FANCI: variants seen among roughly 807,000 people sequenced by gnomAD.
FANCI encodes Fanconi anemia group I protein.
A neutral mutation model predicts 176.1 loss-of-function variants in FANCI; 156 were observed. That is an observed-to-expected ratio of 0.89 (90% CI 0.78 to 1.01). FANCI has a LOEUF of 1.01. Among genes scored for constraint, FANCI ranks in the 50% least tolerant of loss-of-function variants. FANCI has a pLI of 0.00. For synonymous variants in FANCI, 613 were observed against 541.7 expected, an observed-to-expected ratio of 1.13 and a Z score of -1.83; for missense variants, 1,678 against 1,534.1, an observed-to-expected ratio of 1.09 and a Z score of -1.57.
chr15:89,292,571 C>T (rs1471173776), intron 20 of FANCI, 117 bp from the exon 21 acceptor site: 24 of 1,007,942 alleles, frequency 2.4e-5, no homozygotes, highest in African/African-American at 6.4e-5. Context: ...TAATTTGTAA[C>T]GCCAATGAAT....
rs189105082 is a variant in FANCI, at chr15:89,315,850, C to T, written c.3924+461C>T. ...CTTTACTCTTAGCAAGTGACAGTACCGCATCCCCATCCCTGCACCACCTTT... is the reference window on the plus strand; with the variant it reads ...CTTTACTCTTAGCAAGTGACAGTACTGCATCCCCATCCCTGCACCACCTTT... On this transcript the variant is annotated intron_variant, in intron 37 of 37. Transcript: ENST00000310775. 5.9e-5 allele frequency among the ~76,000 whole-genome samples: 9 copies of T among 152,242 alleles called. 1 individual carries two copies. In the South Asian group the frequency reaches 8.3e-4, roughly 14 times the overall value.
Position 89,305,234 on chromosome 15 carries a change from A to G in FANCI, c.3178A>G (p.Ile1060Val), listed in dbSNP as rs1286688010. Residue 1060 changes from isoleucine to valine, a missense_variant, in exon 29 of 38, where the codon ATA becomes GTA. Around this residue, in one of 3 missense-constraint regions of FANCI, gnomAD observed 1,204 missense variants for 1,077.4 expected, o/e 1.12. Coordinates refer to ENST00000310775, the MANE Select transcript of FANCI (RefSeq NM_001113378.2). ...GGATATCCACGGGCATCTGGGAGAT[A>G]TAGACCAGGTACTATAATGAGCCTT... ...SQDIHGHLGD[I>V]DQDVEVEKTN... 16 of 1,614,222 alleles carry G rather than the reference A, an allele frequency of 9.9e-6. No homozygotes were observed. Among genetic ancestry groups the G allele is most frequent in the Non-Finnish European group, 1.4e-5 (16 of 1,180,036 alleles).
chr15:89,316,308 GAAGA>G (rs1411689103), intron 37 of FANCI, 85 bp from the exon 38 acceptor site: 13 of 1,303,534 alleles, frequency 1.0e-5, no homozygotes, highest in Non-Finnish European at 1.3e-5. Flanking sequence ...GCTTTGATGA[GAAGA>G]TAGAGTCTTT....
At chr15:89,293,130 G>A in intron 22 of FANCI, 67 bp downstream of exon 22, 4 of 1,555,610 alleles carry the variant, frequency 2.6e-6, no homozygotes, top group Non-Finnish European at 2.6e-6. Context: ...TATTTTTACT[G>A]TAGCAGTATT....
chr15:89,269,193 AT>A (rs2053102051), intron 10 of FANCI, among the ~76,000 whole-genome samples: 1 of 152,152 alleles, frequency 6.6e-6, no homozygotes, highest in South Asian at 2.1e-4. Context: ...TCTCATACAT[AT>A]TCTTTTTCTG....
Position 89,268,440 on chromosome 15 carries a change from A to C in FANCI, c.797A>C (p.His266Pro). The change falls in exon 10 of 38, where the codon CAT (histidine) becomes CCT (proline). Residue 266 changes from histidine to proline, a missense_variant. By Grantham distance (77) the His-to-Pro change is moderately conservative. Coordinates refer to ENST00000310775, the MANE Select transcript of FANCI (RefSeq NM_001113378.2). The stretch of plus-strand genomic sequence containing the variant: ...ACTGTGCCATCAGGTGAACTTCGTC[A>C]TGTGGAAGGCACCATTATTCTACAC... ...VVTVPSGELRHVEGTIILHIV... is the reference protein window; with the variant it reads ...VVTVPSGELRPVEGTIILHIV... The C allele has an allele frequency of 6.2e-7, 1 of 1,614,188 alleles. No homozygotes were observed. Among genetic ancestry groups the C allele is most frequent in the Non-Finnish European group, 8.5e-7 (1 of 1,180,020 alleles).
chr15:89,302,745 T>C (rs1183104443), intron 27 of FANCI, among the ~76,000 whole-genome samples: 1 of 152,018 alleles, frequency 6.6e-6, no homozygotes, highest in Non-Finnish European at 1.5e-5. Context: ...GGCTAATTTT[T>C]TGTATTTTTA....
intron 34 of FANCI, among the ~76,000 whole-genome samples, chr15:89,310,152 TA>T (rs1257367212): frequency 6.6e-6 from 1 of 152,170 alleles, no homozygotes; most frequent in African/African-American, 2.4e-5. Flanking sequence ...ACTTTTTCTG[TA>T]AAGGGCCAGA....
At chr15:89,251,132 C>CT (rs1379842701) in intron 2 of FANCI, among the ~76,000 whole-genome samples, 1 of 152,058 alleles carries the variant, frequency 6.6e-6, no homozygotes, top group Non-Finnish European at 1.5e-5. Context: ...GGGAGAAATA[C>CT]TGTTAATACA....
intron 2 of FANCI, among the ~76,000 whole-genome samples, chr15:89,256,992 C>T (rs1182170931): frequency 2.6e-5 from 4 of 152,284 alleles, no homozygotes; most frequent in Non-Finnish European, 2.9e-5. Flanking sequence ...CTGCAAGCTC[C>T]GCTTCCCGGG....
intron 32 of FANCI, among the ~76,000 whole-genome samples, chr15:89,307,011 G>A (rs1156999885): frequency 6.6e-6 from 1 of 152,148 alleles, no homozygotes; most frequent in Non-Finnish European, 1.5e-5. Flanking sequence ...TGCCCTTACT[G>A]TTTATGTTCC....
chr15:89,296,682 C>T (rs1439741771), intron 24 of FANCI, among the ~76,000 whole-genome samples: 6 of 152,322 alleles, frequency 3.9e-5, no homozygotes, highest in East Asian at 1.9e-4. Flanking sequence ...CCATTGTCAT[C>T]GTGGCCCGTT....
intron 16 of FANCI, chr15:89,282,806 G>A (rs1279753076): frequency 3.1e-5 from 11 of 353,880 alleles, no homozygotes; most frequent in Non-Finnish European, 6.0e-5. Context: ...TTCAAACATG[G>A]CAAAATCAGC....
chr15:89,249,167 A>G lies in FANCI; in HGVS notation c.84+1436A>G, dbSNP rs543404962. 2.6e-5 allele frequency among the ~76,000 whole-genome samples: 4 copies of G among 152,330 alleles called. 1 individual carries two copies. The highest frequency in any genetic ancestry group is 4.1e-4 in the South Asian group (2 of 4,830). On this transcript the variant is annotated intron_variant, in intron 2 of 37. Coordinates refer to ENST00000310775, the MANE Select transcript of FANCI (RefSeq NM_001113378.2). ...AATTTGTTAAGCATGTCAGTAATAT[A>G]TGCAGGCAGTTCATTTGATAAAATG...
chr15:89,287,404 G>A (rs2053862337), intron 18 of FANCI, among the ~76,000 whole-genome samples: 1 of 152,178 alleles, frequency 6.6e-6, no homozygotes, highest in Non-Finnish European at 1.5e-5. Context: ...TTTGGTCCTT[G>A]CTCTGGATTA....
chr15:89,244,738 C>T (rs2051868685), intron 1 of FANCI, among the ~76,000 whole-genome samples: 1 of 152,218 alleles, frequency 6.6e-6, no homozygotes, highest in African/African-American at 2.4e-5. Flanking sequence ...TCACTTCTCT[C>T]TCTGCCACTT....
At chr15:89,304,433 C>T (rs981149300) in intron 28 of FANCI, among the ~76,000 whole-genome samples, 2 of 152,144 alleles carry the variant, frequency 1.3e-5, no homozygotes, top group East Asian at 1.9e-4. Context: ...TGTAGAATTC[C>T]GTTTAGATGA....
chr15:89,317,151 G>A (rs1283531786), downstream of FANCI: 1 of 604,214 alleles, frequency 1.7e-6, no homozygotes, highest in African/African-American at 1.9e-5. Context: ...GTTGAAGTAG[G>A]GGACAGGTAC....
In FANCI at chr15:89,283,189, A is replaced by G. The variant is rs747569666; in HGVS notation, c.1637A>G (p.Asn546Ser). 1 of 1,614,060 alleles carries G rather than the reference A, an allele frequency of 6.2e-7. No homozygotes were observed. Among genetic ancestry groups the G allele is most frequent in the African/African-American group, 1.3e-5 (1 of 74,926 alleles). ...AVAGFLLLLK[N>S]FKVLGSLSSS... ...GCTGGGTTTTTGCTGCTCCTGAAGA[A>G]CTTTAAAGTTTTAGGCAGCCTGTCA... The change falls in exon 17 of 38, where the codon AAC becomes AGC. Residue 546 changes from asparagine (N) to serine (S), a missense_variant. By Grantham distance (46) the Asn-to-Ser change is conservative. Transcript: ENST00000310775.
Sources: gnomAD v4.1 joint callset for allele counts (sites outside exome capture counted in the v4.1 genomes callset) on GRCh38, gnomAD v4.1.1 for gene constraint, gnomAD v4.1.1 regional missense constraint, MANE v1.5 for transcripts, NCBI Gene and HGNC (gene_info 2026-07-23, HGNC 2026-07-21) for gene names.